MAGI2: variants seen among roughly 807,000 people sequenced by gnomAD.
The protein encoded by MAGI2 is membrane-associated guanylate kinase, WW and PDZ domain-containing protein 2.
MAGI2 carries 35 observed loss-of-function variants against 133.3 expected under a neutral mutation model. The observed-to-expected ratio is 0.26, with a 90% CI of 0.20 to 0.35. MAGI2 has a LOEUF of 0.35. MAGI2 is among the 10% of genes least tolerant of loss of function. The probability of loss-of-function intolerance (pLI) is 1.00; values close to 1 mark genes in which losing one functional copy is unlikely to be tolerated. For missense variants in MAGI2, 1,636 were observed against 1,863.4 expected, an observed-to-expected ratio of 0.88 and a Z score of 2.25; for synonymous variants, 729 against 710.6, an observed-to-expected ratio of 1.03 and a Z score of -0.41.
intron 20 of MAGI2, among the ~76,000 whole-genome samples, chr7:78,122,632 T>C (rs1271319587): frequency 6.6e-6 from 1 of 152,210 alleles, no homozygotes; most frequent in Non-Finnish European, 1.5e-5. Context: ...ATACATTTTA[T>C]GGAAATGCGA....
At chr7:79,248,201 G>T (rs1832958503) in intron 1 of MAGI2, among the ~76,000 whole-genome samples, 1 of 151,978 alleles carries the variant, frequency 6.6e-6, no homozygotes, top group Non-Finnish European at 1.5e-5. Flanking sequence ...AAACAAAAAA[G>T]GGCAGAAGTA....
At chr7:79,385,968 A>G (rs1360738378) in intron 1 of MAGI2, among the ~76,000 whole-genome samples, 2 of 151,956 alleles carry the variant, frequency 1.3e-5, no homozygotes, top group African/African-American at 4.8e-5. Context: ...AATAAAATTT[A>G]TTTTTTTAAA....
At chr7:78,694,480 G>A (rs551490446) in intron 2 of MAGI2, among the ~76,000 whole-genome samples, 14 of 152,212 alleles carry the variant, frequency 9.2e-5, no homozygotes, top group African/African-American at 3.4e-4. Flanking sequence ...ATGCTCAAAT[G>A]ATAAATCAGA....
intron 2 of MAGI2, among the ~76,000 whole-genome samples, chr7:79,005,826 A>G (rs1202836046): frequency 6.6e-6 from 1 of 152,214 alleles, no homozygotes; most frequent in Non-Finnish European, 1.5e-5. Context: ...TACAAGTTTA[A>G]GAATGCACTT....
intron 2 of MAGI2, among the ~76,000 whole-genome samples, chr7:78,815,536 G>T (rs1221262332): frequency 6.6e-6 from 1 of 151,646 alleles, no homozygotes; most frequent in Non-Finnish European, 1.5e-5. Context: ...TTGAAGGTTT[G>T]TGGCAACTTT....
chr7:78,649,793 T>C (rs1026046907), intron 2 of MAGI2, among the ~76,000 whole-genome samples: 8 of 152,042 alleles, frequency 5.3e-5, no homozygotes, highest in African/African-American at 1.9e-4. Context: ...CTGGGTTAGG[T>C]AAGTTATTTA....
At chr7:78,388,032 T>C (rs1006984586) in intron 6 of MAGI2, among the ~76,000 whole-genome samples, 3 of 152,178 alleles carry the variant, frequency 2.0e-5, no homozygotes, top group African/African-American at 7.2e-5. Flanking sequence ...CAACGGCTAT[T>C]AAACAGTATG....
At chr7:79,346,765 C>T in intron 1 of MAGI2, among the ~76,000 whole-genome samples, 1 of 151,926 alleles carries the variant, frequency 6.6e-6, no homozygotes, top group East Asian at 1.9e-4. Context: ...CATGTTCAAC[C>T]TTTCCTCACA....
intron 10 of MAGI2, among the ~76,000 whole-genome samples, chr7:78,227,883 T>TGTGTGTGTGTGTGTGTGTGTGTG (rs1563292086): frequency 2.0e-5 from 3 of 149,212 alleles, no homozygotes; most frequent in Non-Finnish European, 4.4e-5. Context: ...TGTGTGTGTG[T>TGTGTGTGTGTGTGTGTGTGTGTG]TTTAAACCCT....
At chr7:79,425,253 G>GAA (rs398047789) in intron 1 of MAGI2, among the ~76,000 whole-genome samples, 3 of 125,480 alleles carry the variant, frequency 2.4e-5, no homozygotes, top group South Asian at 2.5e-4. Flanking sequence ...CTCCGTCTCA[G>GAA]AAAAAAAAAA....
intron 1 of MAGI2, among the ~76,000 whole-genome samples, chr7:79,359,669 AACACACAC>A (rs59414419): frequency 0.011 from 1,496 of 140,104 alleles, 17 homozygotes; most frequent in South Asian, 0.012. Context: ...TCAAGTGGGA[AACACACAC>A]ACACACACAC....
intron 2 of MAGI2, among the ~76,000 whole-genome samples, chr7:78,658,144 C>T (rs1812510906): frequency 6.6e-6 from 1 of 151,998 alleles, no homozygotes; most frequent in South Asian, 2.1e-4. Context: ...AGTTTTTGTA[C>T]TACAAGTTCA....
At chr7:78,138,625 T>TCACACATACA (rs1491145483) in intron 16 of MAGI2, among the ~76,000 whole-genome samples, 5,833 of 129,286 alleles carry the variant, frequency 0.045, 183 homozygotes, top group East Asian at 0.077. Context: ...AAACATAGAT[T>TCACACATACA]CACACACACA....
At chr7:78,919,731 A>T (rs967472570) in intron 2 of MAGI2, among the ~76,000 whole-genome samples, 1 of 152,160 alleles carries the variant, frequency 6.6e-6, no homozygotes, top group African/African-American at 2.4e-5. Flanking sequence ...AGCTTACACT[A>T]AAGATAGATA....
At chr7:78,046,416 AAAAAAC>A (rs1811437250) in intron 21 of MAGI2, among the ~76,000 whole-genome samples, 1 of 151,890 alleles carries the variant, frequency 6.6e-6, no homozygotes, top group Admixed American at 6.6e-5. Context: ...AAAAACAAAA[AAAAAAC>A]AAAGGAATGT....
chr7:78,230,946 C>G (rs1049655104), intron 10 of MAGI2, among the ~76,000 whole-genome samples: 3 of 152,256 alleles, frequency 2.0e-5, no homozygotes, highest in South Asian at 2.1e-4. Context: ...TTCTCAAGAG[C>G]CTTGGGGAGG....
intron 7 of MAGI2, among the ~76,000 whole-genome samples, chr7:78,356,480 C>T (rs912581988): frequency 1.3e-5 from 2 of 152,024 alleles, no homozygotes; most frequent in Non-Finnish European, 2.9e-5. Flanking sequence ...ATTGAATGTT[C>T]CCAACACAAA....
intron 1 of MAGI2, among the ~76,000 whole-genome samples, chr7:79,303,795 T>C (rs915417452): frequency 2.6e-5 from 4 of 152,188 alleles, no homozygotes. Flanking sequence ...TTATATTGTT[T>C]ATAGATTAAT....
chr7:78,906,035 AAGAC>A, intron 2 of MAGI2, among the ~76,000 whole-genome samples: 1 of 152,322 alleles, frequency 6.6e-6, no homozygotes, highest in African/African-American at 2.4e-5. Flanking sequence ...AAGCAGAAGA[AAGAC>A]AGAAAGATGG....
Sources: gnomAD v4.1 joint callset for allele counts (sites outside exome capture counted in the v4.1 genomes callset) on GRCh38, gnomAD v4.1.1 for gene constraint, MANE v1.5 for transcripts, NCBI Gene and HGNC (gene_info 2026-07-23, HGNC 2026-07-21) for gene names.